TRPM3: variants seen among roughly 807,000 people sequenced by gnomAD.
The protein encoded by TRPM3 is long transient receptor potential channel 3.
A neutral mutation model predicts 181.2 loss-of-function variants in TRPM3; 77 were observed. The observed-to-expected ratio is 0.42, with a 90% confidence interval of 0.35 to 0.51. The LOEUF (loss-of-function observed/expected upper bound fraction) is 0.51. Ranked by LOEUF, TRPM3 falls within the 20% of genes least tolerant of loss-of-function variation. The pLI, the probability that TRPM3 is intolerant of heterozygous loss-of-function variation, is 0.01. For missense variants in TRPM3, 1,759 were observed against 2,196.7 expected (o/e 0.80, Z 3.98); for synonymous variants, 745 against 796.4 (o/e 0.94, Z 1.09).
At chr9:71,001,553 C>A (rs2097601635) in intron 1 of TRPM3, among the ~76,000 whole-genome samples, 2 of 152,146 alleles carry the variant, frequency 1.3e-5, no homozygotes, top group African/African-American at 4.8e-5. Flanking sequence ...TGGTACCACA[C>A]AATGTCTATT....
chr9:71,325,651 G>A (rs544271466), intron 1 of TRPM3, among the ~76,000 whole-genome samples: 3 of 152,108 alleles, frequency 2.0e-5, no homozygotes, highest in East Asian at 3.9e-4. Context: ...AGGAATGAAG[G>A]CAGTGATGCA....
intron 1 of TRPM3, among the ~76,000 whole-genome samples, chr9:71,283,405 TC>T (rs1199058778): frequency 1.3e-5 from 2 of 152,164 alleles, no homozygotes; most frequent in Admixed American, 6.5e-5. Context: ...CACGCCATTC[TC>T]CTGCCTCAGC....
intron 6 of TRPM3, among the ~76,000 whole-genome samples, chr9:70,821,751 T>C (rs2093190239): frequency 6.6e-6 from 1 of 152,218 alleles, no homozygotes; most frequent in Non-Finnish European, 1.5e-5. Flanking sequence ...TAGACACTGA[T>C]GGTACTTTAG....
At chr9:71,372,008 G>A (rs1025783204) in intron 1 of TRPM3, among the ~76,000 whole-genome samples, 2 of 152,132 alleles carry the variant, frequency 1.3e-5, no homozygotes, top group African/African-American at 4.8e-5. Context: ...TGCCCAGTGT[G>A]TGTTGTTCCC....
At chr9:71,168,744 A>G (rs1227897470) in intron 1 of TRPM3, among the ~76,000 whole-genome samples, 1 of 150,668 alleles carries the variant, frequency 6.6e-6, no homozygotes, top group East Asian at 1.9e-4. Context: ...TTTTAATAAC[A>G]TTATTATTTA....
At chr9:71,201,988 G>T (rs1367455875) in intron 1 of TRPM3, among the ~76,000 whole-genome samples, 1 of 152,166 alleles carries the variant, frequency 6.6e-6, no homozygotes, top group African/African-American at 2.4e-5. Context: ...TGATGATGGT[G>T]ATGTACAGAT....
intron 1 of TRPM3, among the ~76,000 whole-genome samples, chr9:71,021,260 TG>T (rs1270616349): frequency 6.6e-6 from 1 of 152,198 alleles, no homozygotes; most frequent in Admixed American, 6.5e-5. Flanking sequence ...TATGAGATTT[TG>T]GGAGGTGCTG....
chr9:70,700,243 A>G (rs753320870), intron 8 of TRPM3, among the ~76,000 whole-genome samples: 1 of 152,160 alleles, frequency 6.6e-6, no homozygotes, highest in South Asian at 2.1e-4. Flanking sequence ...CCAGCCTCCC[A>G]AAGTGCGGGG....
At chr9:71,258,442 C>G (rs938587436) in intron 1 of TRPM3, among the ~76,000 whole-genome samples, 1 of 152,182 alleles carries the variant, frequency 6.6e-6, no homozygotes, top group African/African-American at 2.4e-5. Flanking sequence ...TACAACCTAT[C>G]TATCATTTAT....
chr9:71,192,437 T>A (rs551125174), intron 1 of TRPM3, among the ~76,000 whole-genome samples: 1 of 152,066 alleles, frequency 6.6e-6, no homozygotes, highest in East Asian at 1.9e-4. Flanking sequence ...TTTTGACATT[T>A]TGATAACAGC....
At chr9:70,922,730 G>A (rs370085624) in intron 1 of TRPM3, among the ~76,000 whole-genome samples, 4 of 152,092 alleles carry the variant, frequency 2.6e-5, no homozygotes, top group South Asian at 2.1e-4. Context: ...CAAAGAATTG[G>A]AAAGAGAAAG....
At chr9:70,959,820 T>C (rs903368056) in intron 1 of TRPM3, among the ~76,000 whole-genome samples, 1 of 152,206 alleles carries the variant, frequency 6.6e-6, no homozygotes, top group Non-Finnish European at 1.5e-5. Flanking sequence ...ATCAACGTTA[T>C]AATTTTCTCT....
intron 1 of TRPM3, among the ~76,000 whole-genome samples, chr9:71,429,407 T>C (rs1319536601): frequency 1.3e-5 from 2 of 152,272 alleles, no homozygotes; most frequent in South Asian, 2.1e-4. Context: ...AGTTCCCTTA[T>C]CTGTAAAATG....
intron 1 of TRPM3, among the ~76,000 whole-genome samples, chr9:71,409,603 T>A (rs1464664367): frequency 6.6e-6 from 1 of 152,166 alleles, no homozygotes; most frequent in African/African-American, 2.4e-5. Flanking sequence ...CCCAGATTCA[T>A]AAAGCAAGTC....
chr9:70,966,541 C>A (rs902938798), intron 1 of TRPM3, among the ~76,000 whole-genome samples: 1 of 152,094 alleles, frequency 6.6e-6, no homozygotes, highest in Non-Finnish European at 1.5e-5. Flanking sequence ...TACATATACA[C>A]CATGGAATAC....
intron 1 of TRPM3, among the ~76,000 whole-genome samples, chr9:70,965,009 TG>T (rs2097172177): frequency 6.6e-6 from 1 of 152,116 alleles, no homozygotes; most frequent in African/African-American, 2.4e-5. Context: ...TACATTCTGT[TG>T]TTCCTAATCT....
At chr9:71,133,133 G>A (rs896511636) in intron 1 of TRPM3, among the ~76,000 whole-genome samples, 8 of 151,946 alleles carry the variant, frequency 5.3e-5, no homozygotes, top group Non-Finnish European at 1.0e-4. Flanking sequence ...GTATAAGAAC[G>A]TCCTTATTAG....
At chr9:70,629,723 G>C (rs531148471) in intron 12 of TRPM3, among the ~76,000 whole-genome samples, 1 of 152,314 alleles carries the variant, frequency 6.6e-6, no homozygotes, top group African/African-American at 2.4e-5. Flanking sequence ...TAAGGAATGA[G>C]TCAGATGCTC....
chr9:70,810,000 T>G (rs1313314519), intron 6 of TRPM3: 1 of 534,732 alleles, frequency 1.9e-6, no homozygotes, highest in South Asian at 1.4e-5. Flanking sequence ...TGAACGTCCC[T>G]TTGCCTTCCC....
Sources: allele counts gnomAD v4.1 joint callset (sites outside exome capture counted in the v4.1 genomes callset), GRCh38; gene constraint gnomAD v4.1.1; transcripts MANE v1.5; gene names NCBI Gene and HGNC (gene_info 2026-07-23, HGNC 2026-07-21).